AHCYL2: variants seen among roughly 807,000 people sequenced by gnomAD.
The protein encoded by AHCYL2 is S-adenosylhomocysteine hydrolase-like protein 2.
A neutral mutation model predicts 81.4 loss-of-function variants in AHCYL2; 28 were observed. That is an observed-to-expected ratio of 0.34 (90% CI 0.25 to 0.47). The LOEUF (loss-of-function observed/expected upper bound fraction) is 0.47. Among genes scored for constraint, AHCYL2 ranks in the 20% least tolerant of loss-of-function variants. The pLI is 1.00. For synonymous variants in AHCYL2, 272 were observed against 290.2 expected, an observed-to-expected ratio of 0.94 and a Z score of 0.64; for missense variants, 551 against 785.1, an observed-to-expected ratio of 0.70 and a Z score of 3.56.
intron 1 of AHCYL2, among the ~76,000 whole-genome samples, chr7:129,263,851 G>A (rs1221122866): frequency 6.6e-6 from 1 of 152,118 alleles, no homozygotes; most frequent in East Asian, 1.9e-4. Flanking sequence ...TAAGGGCCTG[G>A]CAATAGAAAT....
chr7:129,241,418 T>C (rs951770587), intron 1 of AHCYL2, among the ~76,000 whole-genome samples: 3 of 151,590 alleles, frequency 2.0e-5, no homozygotes, highest in Admixed American at 6.6e-5. Flanking sequence ...TGGTGAAACC[T>C]TGTCTCTACT....
chr7:129,314,195 C>G (rs1797757211), intron 1 of AHCYL2, among the ~76,000 whole-genome samples: 1 of 152,174 alleles, frequency 6.6e-6, no homozygotes, highest in South Asian at 2.1e-4. Flanking sequence ...GTGTCACTTT[C>G]TCAGAGGTCT....
chr7:129,361,338 C>A (rs1343264856), intron 1 of AHCYL2, among the ~76,000 whole-genome samples: 1 of 152,172 alleles, frequency 6.6e-6, no homozygotes, highest in Non-Finnish European at 1.5e-5. Flanking sequence ...TCTCTTGCCA[C>A]GGCCCCAATA....
chr7:129,240,891 AT>A (rs974500970), intron 1 of AHCYL2, among the ~76,000 whole-genome samples: 21 of 151,360 alleles, frequency 1.4e-4, no homozygotes, highest in African/African-American at 4.4e-4. Context: ...TGTAATTTTC[AT>A]TTTTTTTTAA....
At chr7:129,297,818 G>A (rs1453549621) in intron 1 of AHCYL2, among the ~76,000 whole-genome samples, 1 of 152,126 alleles carries the variant, frequency 6.6e-6, no homozygotes, top group African/African-American at 2.4e-5. Context: ...GAACCTGGGA[G>A]TTTGAGACCA....
At chr7:129,389,238 G>A (rs1486124523) in intron 3 of AHCYL2, 39 bp downstream of exon 3, 1 of 1,612,828 alleles carries the variant, frequency 6.2e-7, no homozygotes, top group South Asian at 1.1e-5. Context: ...TAACCTACCT[G>A]TGTCTTTTTG....
intron 1 of AHCYL2, among the ~76,000 whole-genome samples, chr7:129,272,817 G>C (rs908162226): frequency 2.6e-5 from 4 of 152,076 alleles, no homozygotes; most frequent in Admixed American, 1.3e-4. Flanking sequence ...AGAACTTAGA[G>C]GAAATATTTC....
chr7:129,367,747 G>A (rs1461086408), intron 1 of AHCYL2, among the ~76,000 whole-genome samples: 2 of 152,188 alleles, frequency 1.3e-5, no homozygotes, highest in East Asian at 3.9e-4. Context: ...CTTCGTGTAT[G>A]TAGCACAGGG....
chr7:129,416,696 A>C (rs1420592408), intron 12 of AHCYL2, among the ~76,000 whole-genome samples: 2 of 152,208 alleles, frequency 1.3e-5, no homozygotes, highest in Admixed American at 1.3e-4. Context: ...GCTACTCAGG[A>C]GGCTGAGGCA....
chr7:129,284,923 T>C (rs1322517081), intron 1 of AHCYL2, among the ~76,000 whole-genome samples: 1 of 152,224 alleles, frequency 6.6e-6, no homozygotes, highest in Non-Finnish European at 1.5e-5. Flanking sequence ...TTTATAGAAT[T>C]ATAGCCCTAG....
In AHCYL2 at chr7:129,410,400, G is replaced by A. The variant is rs1796511307; in HGVS notation, c.1366+854G>A. 3.7e-6 allele frequency: 6 copies of A among 1,602,496 alleles called. No individual in the cohort carries two copies. In the Admixed American group the frequency reaches 6.7e-5, roughly 18 times the overall value. ...AAGTCAACACTAAGGGCCAAACCCA[G>A]TGAACTATTAGCAATTCACAGGATT... On this transcript the variant is annotated intron_variant, in intron 11 of 16. Transcript: ENST00000325006.
At chr7:129,361,568 G>T (rs1381581869) in intron 1 of AHCYL2, among the ~76,000 whole-genome samples, 1 of 152,034 alleles carries the variant, frequency 6.6e-6, no homozygotes, top group African/African-American at 2.4e-5. Flanking sequence ...AATGGATTTG[G>T]GTATGCTAGA....
At chr7:129,288,580 G>A (rs1350683031) in intron 1 of AHCYL2, among the ~76,000 whole-genome samples, 5 of 151,454 alleles carry the variant, frequency 3.3e-5, no homozygotes, top group Admixed American at 6.6e-5. Flanking sequence ...GGCTGGTCTC[G>A]AACTCCTGAC....
chr7:129,289,980 C>T (rs1356702460), intron 1 of AHCYL2, among the ~76,000 whole-genome samples: 1 of 151,848 alleles, frequency 6.6e-6, no homozygotes, highest in South Asian at 2.1e-4. Flanking sequence ...TGGGGTTTCT[C>T]CATGTTGGTC....
intron 4 of AHCYL2, among the ~76,000 whole-genome samples, chr7:129,394,810 A>G (rs1029575195): frequency 1.3e-5 from 2 of 152,156 alleles, no homozygotes; most frequent in Non-Finnish European, 2.9e-5. Context: ...GATGTTGTCT[A>G]TCTTTCTCAA....
chr7:129,286,586 G>A (rs1309017106), intron 1 of AHCYL2, among the ~76,000 whole-genome samples: 2 of 151,982 alleles, frequency 1.3e-5, no homozygotes, highest in South Asian at 2.1e-4. Flanking sequence ...TCAGCCTCCC[G>A]AGTAGCTGGG....
At chr7:129,268,720 G>A (rs935931598) in intron 1 of AHCYL2, among the ~76,000 whole-genome samples, 1 of 152,226 alleles carries the variant, frequency 6.6e-6, no homozygotes, top group African/African-American at 2.4e-5. Flanking sequence ...CAAACCAAAA[G>A]TAAGATTTGA....
intron 1 of AHCYL2, among the ~76,000 whole-genome samples, chr7:129,287,239 A>G (rs2150746502): frequency 1.3e-5 from 2 of 152,328 alleles, no homozygotes; most frequent in East Asian, 3.9e-4. Context: ...GTTATCATGA[A>G]AATACTTTTA....
At chr7:129,370,671 C>G (rs1353785158) in intron 1 of AHCYL2, among the ~76,000 whole-genome samples, 1 of 152,196 alleles carries the variant, frequency 6.6e-6, no homozygotes, top group Non-Finnish European at 1.5e-5. Flanking sequence ...GCACTCCAGC[C>G]TGGGCGACAG....
Sources: gnomAD v4.1 joint callset for allele counts (sites outside exome capture counted in the v4.1 genomes callset) on GRCh38, gnomAD v4.1.1 for gene constraint, MANE v1.5 for transcripts, NCBI Gene and HGNC (gene_info 2026-07-23, HGNC 2026-07-21) for gene names.